PTPRT: variants seen among roughly 807,000 people sequenced by gnomAD.
PTPRT encodes the protein protein tyrosine phosphatase receptor type T, also known as receptor-type tyrosine-protein phosphatase T.
Under a neutral mutation model 176.8 loss-of-function variants are expected in PTPRT, and 56 were observed. The observed-to-expected ratio is 0.32, with a 90% confidence interval of 0.26 to 0.40. The LOEUF is 0.40. Among genes scored for constraint, PTPRT ranks in the 10% least tolerant of loss-of-function variants. The pLI is 1.00. For missense variants in PTPRT, 1,540 were observed against 1,908.2 expected (o/e 0.81, Z 3.60); for synonymous variants, 783 against 739.0 (o/e 1.06, Z -0.96).
intron 1 of PTPRT, among the ~76,000 whole-genome samples, chr20:43,142,530 C>T (rs1244169177): frequency 6.6e-6 from 1 of 152,178 alleles, no homozygotes; most frequent in African/African-American, 2.4e-5. Context: ...CTATAGGGCC[C>T]TATTAAGGGC....
At chr20:43,164,314 G>T (rs1020913918) in intron 1 of PTPRT, among the ~76,000 whole-genome samples, 10 of 152,198 alleles carry the variant, frequency 6.6e-5, no homozygotes, top group African/African-American at 2.2e-4. Context: ...CATGCCAGGT[G>T]CTTTCTAGGT....
At chr20:42,473,816 T>A (rs2071240971) in intron 7 of PTPRT, among the ~76,000 whole-genome samples, 1 of 152,128 alleles carries the variant, frequency 6.6e-6, no homozygotes, top group Non-Finnish European at 1.5e-5. Context: ...TAACTTCTCA[T>A]GTGATAGATA....
At chr20:42,140,327 C>T (rs998603118) in intron 18 of PTPRT, among the ~76,000 whole-genome samples, 7 of 152,138 alleles carry the variant, frequency 4.6e-5, no homozygotes, top group African/African-American at 1.7e-4. Context: ...AGGTTGGTTA[C>T]ACTGAGTCAG....
chr20:42,902,801 T>G (rs1242017535), intron 1 of PTPRT, among the ~76,000 whole-genome samples: 1 of 152,186 alleles, frequency 6.6e-6, no homozygotes, highest in African/African-American at 2.4e-5. Context: ...AGCACAAACC[T>G]GCTCAACTTT....
At chr20:42,206,889 C>T (rs1239152257) in intron 15 of PTPRT, among the ~76,000 whole-genome samples, 1 of 152,214 alleles carries the variant, frequency 6.6e-6, no homozygotes, top group Non-Finnish European at 1.5e-5. Flanking sequence ...CTTAAATGTC[C>T]CTGTCTGACA....
At chr20:42,404,972 T>TTATATATATACATATATATATA (rs1555843248) in intron 9 of PTPRT, among the ~76,000 whole-genome samples, 1 of 77,956 alleles carries the variant, frequency 1.3e-5, no homozygotes, top group African/African-American at 4.7e-5. Context: ...GGCCAATTAA[T>TTATATATATACATATATATATA]TATATATATA....
rs183535723 is a variant in PTPRT, at chr20:42,453,294, C to G, written c.1451-4965G>C. Among the ~76,000 whole-genome samples, 365 of 152,148 alleles carry G rather than the reference C, an allele frequency of 2.4e-3. 2 individuals are homozygous for G. The highest frequency in any genetic ancestry group is 7.9e-3 in the African/African-American group (329 of 41,514). ...AAAGTGAGTCCTTTTATCCAGTAAACTGTATAAATCTTCATGTATTAATGC... is the reference window on the plus strand; with the variant it reads ...AAAGTGAGTCCTTTTATCCAGTAAAGTGTATAAATCTTCATGTATTAATGC... On this transcript the variant is annotated intron_variant, in intron 8 of 30. Coordinates refer to ENST00000373187, the MANE Select transcript of PTPRT (RefSeq NM_007050.6).
At chr20:42,286,821 A>G (rs2057237539) in intron 12 of PTPRT, among the ~76,000 whole-genome samples, 1 of 151,944 alleles carries the variant, frequency 6.6e-6, no homozygotes, top group African/African-American at 2.4e-5. Flanking sequence ...TACAAAATGG[A>G]AGGAAAGTAT....
intron 2 of PTPRT, among the ~76,000 whole-genome samples, chr20:42,830,421 T>G (rs2145688891): frequency 6.6e-6 from 1 of 152,276 alleles, no homozygotes; most frequent in Non-Finnish European, 1.5e-5. Context: ...AAACTTTCAA[T>G]ACACTACGTA....
At chr20:42,427,500 C>T (rs2059175612) in intron 9 of PTPRT, among the ~76,000 whole-genome samples, 3 of 141,980 alleles carry the variant, frequency 2.1e-5, no homozygotes, top group Admixed American at 1.4e-4. Flanking sequence ...TTTTGTTCTT[C>T]ATCGATGGCG....
intron 2 of PTPRT, among the ~76,000 whole-genome samples, chr20:42,853,618 C>T (rs554612644): frequency 1.3e-5 from 2 of 152,178 alleles, no homozygotes; most frequent in African/African-American, 2.4e-5. Flanking sequence ...GGTGCTCGAA[C>T]GATTGGATTA....
intron 13 of PTPRT, among the ~76,000 whole-genome samples, chr20:42,257,036 A>T (rs914150920): frequency 3.3e-5 from 5 of 152,210 alleles, no homozygotes; most frequent in African/African-American, 1.2e-4. Flanking sequence ...GGTCCCATGC[A>T]GGGGTCACCT....
chr20:42,639,191 G>T (rs115309580), intron 7 of PTPRT, among the ~76,000 whole-genome samples: 1 of 152,082 alleles, frequency 6.6e-6, no homozygotes, highest in Admixed American at 6.6e-5. Flanking sequence ...CCCACTCACA[G>T]GTGCTCTGTA....
chr20:43,122,524 G>A (rs1431610095), intron 1 of PTPRT, among the ~76,000 whole-genome samples: 1 of 152,194 alleles, frequency 6.6e-6, no homozygotes, highest in African/African-American at 2.4e-5. Context: ...GTCCCAGTGG[G>A]AGATGATTGG....
At chr20:43,020,045 C>T (rs1985587098) in intron 1 of PTPRT, among the ~76,000 whole-genome samples, 1 of 151,280 alleles carries the variant, frequency 6.6e-6, no homozygotes, top group African/African-American at 2.4e-5. Context: ...ATTCCCCTAA[C>T]AAATCCCCTC....
At chr20:42,526,354 C>T (rs1477434814) in intron 7 of PTPRT, among the ~76,000 whole-genome samples, 1 of 152,078 alleles carries the variant, frequency 6.6e-6, no homozygotes, top group African/African-American at 2.4e-5. Flanking sequence ...ATTTCCTTTT[C>T]CTCATTGTTG....
intron 16 of PTPRT, among the ~76,000 whole-genome samples, chr20:42,167,220 G>A (rs1989867964): frequency 6.6e-6 from 1 of 152,140 alleles, no homozygotes. Context: ...TTGGACATAT[G>A]AGAATCCACA....
chr20:42,629,642 G>C (rs1268038168), intron 7 of PTPRT, among the ~76,000 whole-genome samples: 1 of 152,168 alleles, frequency 6.6e-6, no homozygotes, highest in Non-Finnish European at 1.5e-5. Flanking sequence ...GTTGTCCTAA[G>C]ATGGTCTGCT....
At chr20:42,107,377 C>T (rs570693896) in intron 23 of PTPRT, among the ~76,000 whole-genome samples, 7 of 152,274 alleles carry the variant, frequency 4.6e-5, no homozygotes, top group Admixed American at 2.0e-4. Context: ...GTTCAAAGGC[C>T]GGCATCTGGC....
Sources: gnomAD v4.1 joint callset for allele counts (sites outside exome capture counted in the v4.1 genomes callset) on GRCh38, gnomAD v4.1.1 for gene constraint, MANE v1.5 for transcripts, NCBI Gene and HGNC (gene_info 2026-07-23, HGNC 2026-07-21) for gene names.